GHR: variants seen among roughly 807,000 people sequenced by gnomAD.
The protein encoded by GHR is GH receptor.
A neutral mutation model predicts 67.1 loss-of-function variants in GHR; 35 were observed. The ratio of observed to expected loss-of-function variants is 0.52; its 90% CI spans 0.40 to 0.69. GHR has a LOEUF of 0.69. Among genes scored for constraint, GHR ranks in the 30% least tolerant of loss-of-function variants. The probability of loss-of-function intolerance (pLI) is 0.00; values close to 1 mark genes in which losing one functional copy is unlikely to be tolerated. For synonymous variants in GHR, 272 were observed against 269.1 expected, an observed-to-expected ratio of 1.01 and a Z score of -0.10; for missense variants, 792 against 764.6, an observed-to-expected ratio of 1.04 and a Z score of -0.42.
chr5:42,634,372 T>C (rs1218999299), intron 3 of GHR, among the ~76,000 whole-genome samples: 1 of 152,088 alleles, frequency 6.6e-6, no homozygotes, highest in East Asian at 1.9e-4. Flanking sequence ...GTCTTTTGGT[T>C]CAACCAAATG....
intron 2 of GHR, among the ~76,000 whole-genome samples, chr5:42,597,608 G>T (rs183582051): frequency 2.7e-4 from 41 of 152,284 alleles, no homozygotes; most frequent in African/African-American, 9.4e-4. Context: ...TCAGTGGCCA[G>T]GGAAATTATC....
At chr5:42,549,053 T>C (rs1201369399) in intron 1 of GHR, among the ~76,000 whole-genome samples, 3 of 152,242 alleles carry the variant, frequency 2.0e-5, no homozygotes, top group Non-Finnish European at 2.9e-5. Flanking sequence ...ATTGCATGTT[T>C]ATTTTGCATC....
At chr5:42,460,901 C>T (rs1744461407) in intron 1 of GHR, among the ~76,000 whole-genome samples, 1 of 152,198 alleles carries the variant, frequency 6.6e-6, no homozygotes, top group South Asian at 2.1e-4. Flanking sequence ...ACATGGTCTT[C>T]TAGGACCTAA....
chr5:42,490,365 A>G (rs964326497), intron 1 of GHR, among the ~76,000 whole-genome samples: 1 of 152,242 alleles, frequency 6.6e-6, no homozygotes. Context: ...AATCTGAGCT[A>G]TGCTGGCAGT....
At chr5:42,467,303 G>T in intron 1 of GHR, 1 of 1,104,980 alleles carries the variant, frequency 9.0e-7, no homozygotes, top group Non-Finnish European at 1.4e-6. Context: ...CACTCATATG[G>T]CTTCTCACCA....
At position 42,576,143 on chromosome 5, in the gene GHR, T is replaced by TAAAATAAAATAAAATAAAAA. The variant is rs1359047675; in HGVS notation, c.70+10200_70+10201insAAATAAAATAAAATAAAAAA. On this transcript the variant is annotated intron_variant, in intron 2 of 9. Coordinates refer to ENST00000230882, the MANE Select transcript of GHR (RefSeq NM_000163.5). Reference sequence around the variant, plus strand: ...TAAAATAAAATAAAATAAAATAAAATAGTAAAGTAAAATAAAATAAAGGCA... The same window carrying TAAAATAAAATAAAATAAAAA: ...TAAAATAAAATAAAATAAAATAAAATAAAATAAAATAAAATAAAAAAGTAAAGTAAAATAAAATAAAGGCA... Among the ~76,000 whole-genome samples, 478 of 83,120 alleles carry TAAAATAAAATAAAATAAAAA rather than the reference T, an allele frequency of 5.8e-3. 9 individuals carry two copies. Among genetic ancestry groups the TAAAATAAAATAAAATAAAAA allele is most frequent in the African/African-American group, 0.015 (289 of 19,904 alleles). 54.5% of individuals were successfully genotyped at this position (83,120 alleles called of 152,430 possible).
chr5:42,453,474 A>G (rs193247687), intron 1 of GHR, among the ~76,000 whole-genome samples: 1 of 152,280 alleles, frequency 6.6e-6, no homozygotes, highest in East Asian at 1.9e-4. Flanking sequence ...GGAGCTCTCA[A>G]TTAGGTGTGC....
At chr5:42,660,743 G>A (rs537535543) in intron 3 of GHR, among the ~76,000 whole-genome samples, 8 of 152,306 alleles carry the variant, frequency 5.3e-5, no homozygotes, top group South Asian at 2.1e-4. Context: ...CACCAGCAAC[G>A]GAACAAAGCT....
intron 3 of GHR, chr5:42,647,756 C>T (rs898467270): frequency 2.4e-6 from 1 of 424,026 alleles, no homozygotes; most frequent in Non-Finnish European, 4.6e-6. Context: ...AACCCTGTAG[C>T]TTGGTTTTTC....
At chr5:42,494,493 T>C (rs1013524922) in intron 1 of GHR, among the ~76,000 whole-genome samples, 4 of 152,064 alleles carry the variant, frequency 2.6e-5, no homozygotes, top group Non-Finnish European at 5.9e-5. Context: ...GACGGATATA[T>C]GATAGTGGCA....
chr5:42,651,810 A>T (rs1364173944), intron 3 of GHR, among the ~76,000 whole-genome samples: 1 of 152,152 alleles, frequency 6.6e-6, no homozygotes, highest in Non-Finnish European at 1.5e-5. Flanking sequence ...CCAATAGTAT[A>T]TTCACCTCAC....
intron 3 of GHR, among the ~76,000 whole-genome samples, chr5:42,683,065 A>T (rs184953219): frequency 6.6e-6 from 1 of 151,820 alleles, no homozygotes; most frequent in African/African-American, 2.4e-5. Flanking sequence ...GCAGTGGCGC[A>T]ATCTTGGCTC....
In GHR at chr5:42,424,436, C is replaced by T; in HGVS notation, c.-12+481C>T. On this transcript the variant is annotated intron_variant, in intron 1 of 9. Transcript: ENST00000230882. This position sits in a 1 kb window ranked among gnomAD's most constrained non-coding sequence, Gnocchi z 4.1. ...CTGCTGCTGTTGCGCGGGGAAGAAT[C>T]CCCGGCAGCGCGACTGGAGAGACTG... is the stretch of plus-strand genomic sequence containing the variant. The T allele has an allele frequency of 1.6e-6, 1 of 640,726 alleles. No individual in the cohort carries two copies. Among genetic ancestry groups the T allele is most frequent in the East Asian group, 2.8e-5 (1 of 36,184 alleles). 39.7% of individuals were successfully genotyped at this position (640,726 alleles called of 1,614,324 possible). A position where few individuals can be genotyped will look rare whatever the true frequency, so the allele number is the denominator to read the frequency against.
chr5:42,711,508 C>T, intron 7 of GHR, 136 bp downstream of exon 7: 1 of 716,374 alleles, frequency 1.4e-6, no homozygotes, highest in Non-Finnish European at 2.5e-6. Flanking sequence ...AGACCTTGAG[C>T]TCACTATCTG....
At chr5:42,555,368 G>A (rs1749252725) in intron 1 of GHR, among the ~76,000 whole-genome samples, 1 of 152,074 alleles carries the variant, frequency 6.6e-6, no homozygotes, top group Non-Finnish European at 1.5e-5. Flanking sequence ...AAATATTATG[G>A]TGTCTACCTC....
At chr5:42,467,320 C>A (rs1395302637) in intron 1 of GHR, 1 of 1,088,766 alleles carries the variant, frequency 9.2e-7, no homozygotes, top group Non-Finnish European at 1.4e-6. Flanking sequence ...ACCAGTATGG[C>A]TTCGCTGATG....
chr5:42,492,937 A>C, intron 1 of GHR, among the ~76,000 whole-genome samples: 1 of 152,366 alleles, frequency 6.6e-6, no homozygotes, highest in Admixed American at 6.5e-5. Flanking sequence ...TAAGCCTACA[A>C]GTATTTACAG....
intron 3 of GHR, among the ~76,000 whole-genome samples, chr5:42,639,895 A>T (rs866620701): frequency 1.5e-4 from 23 of 152,276 alleles, no homozygotes; most frequent in Middle Eastern, 6.8e-3. Flanking sequence ...AATAATGTTT[A>T]TTAGGTGAAT....
chr5:42,544,769 G>A (rs1356902762), intron 1 of GHR, among the ~76,000 whole-genome samples: 1 of 152,052 alleles, frequency 6.6e-6, no homozygotes, highest in Non-Finnish European at 1.5e-5. Context: ...ATTTAAACAA[G>A]CCAATGAACA....
Sources: gnomAD v4.1 joint callset for allele counts (sites outside exome capture counted in the v4.1 genomes callset) on GRCh38, gnomAD v4.1.1 for gene constraint, Gnocchi (gnomAD v3.1) non-coding constraint, MANE v1.5 for transcripts, NCBI Gene and HGNC (gene_info 2026-07-23, HGNC 2026-07-21) for gene names.